The following SRGAP3 variants were observed in gnomAD, a reference collection of about 807,000 sequenced individuals.
SRGAP3 encodes SLIT-ROBO Rho GTPase activating protein 3, also known as SLIT-ROBO Rho GTPase-activating protein 3.
A neutral mutation model predicts 121.1 loss-of-function variants in SRGAP3; 39 were observed. That is an observed-to-expected ratio of 0.32 (90% CI 0.25 to 0.42). SRGAP3 has a LOEUF of 0.42. Among genes scored for constraint, SRGAP3 ranks in the 10% least tolerant of loss-of-function variants. The pLI, the probability that SRGAP3 is intolerant of heterozygous loss-of-function variation, is 1.00. For missense variants in SRGAP3, 1,213 were observed against 1,470.6 expected, an observed-to-expected ratio of 0.82 and a Z score of 2.86; for synonymous variants, 601 against 570.0, an observed-to-expected ratio of 1.05 and a Z score of -0.77.
intron 12 of SRGAP3, among the ~76,000 whole-genome samples, chr3:9,029,536 C>T (rs581271): frequency 0.79 from 119,477 of 152,074 alleles, 47,396 homozygotes; most frequent in African/African-American, 0.89. Flanking sequence ...CTCTAGACCA[C>T]CATAATTGTG....
chr3:9,340,923 T>A (rs542189651), intron 1 of SRGAP3, among the ~76,000 whole-genome samples: 1 of 152,322 alleles, frequency 6.6e-6, no homozygotes, highest in East Asian at 1.9e-4. Flanking sequence ...GACTAAGTAA[T>A]TTAAGCAACA....
At chr3:9,180,522 G>T (rs537645748) in intron 1 of SRGAP3, among the ~76,000 whole-genome samples, 4 of 152,128 alleles carry the variant, frequency 2.6e-5, no homozygotes, top group Non-Finnish European at 4.4e-5. Context: ...GGGAGGACAG[G>T]CCCAGAGGCT....
intron 1 of SRGAP3, among the ~76,000 whole-genome samples, chr3:9,228,915 A>G (rs1953094583): frequency 6.7e-6 from 1 of 148,790 alleles, no homozygotes; most frequent in Non-Finnish European, 1.5e-5. Flanking sequence ...ACAAAAAATT[A>G]GCCGGGCGCG....
At chr3:8,994,640 C>T (rs760418500) in intron 18 of SRGAP3, 117 bp from the exon 19 acceptor site, 4 of 1,360,644 alleles carry the variant, frequency 2.9e-6, no homozygotes, top group Non-Finnish European at 4.1e-6. Flanking sequence ...CTGGTGAGAA[C>T]ATGGACAGAA....
At chr3:9,112,281 G>A (rs555418685) in intron 2 of SRGAP3, among the ~76,000 whole-genome samples, 79 of 152,324 alleles carry the variant, frequency 5.2e-4, no homozygotes, top group Non-Finnish European at 2.9e-4. Context: ...GCCTCACACT[G>A]GGCTTGCGTC....
chr3:9,299,462 G>A (rs1955012060), intron 3 of SRGAP3, among the ~76,000 whole-genome samples: 1 of 151,868 alleles, frequency 6.6e-6, no homozygotes, highest in Admixed American at 6.6e-5. Flanking sequence ...CACTGCAAAA[G>A]CCAGACTAGT....
chr3:9,015,506 C>G, intron 15 of SRGAP3, 91 bp downstream of exon 15: 1 of 1,545,920 alleles, frequency 6.5e-7, no homozygotes, highest in Non-Finnish European at 8.9e-7. Context: ...CATAATGTCC[C>G]TCCTCTATGC....
chr3:9,040,224 T>A (rs1944953259), intron 10 of SRGAP3, among the ~76,000 whole-genome samples: 1 of 152,216 alleles, frequency 6.6e-6, no homozygotes, highest in Admixed American at 6.5e-5. Flanking sequence ...TCAGATCATG[T>A]CCTTCCCTTG....
chr3:9,016,299 C>A (rs1943633418), intron 14 of SRGAP3, among the ~76,000 whole-genome samples: 1 of 152,114 alleles, frequency 6.6e-6, no homozygotes, highest in Non-Finnish European at 1.5e-5. Flanking sequence ...TTTCTTGAGT[C>A]CTTTAAATGT....
At chr3:9,323,155 T>G (rs1006464323) in intron 3 of SRGAP3, among the ~76,000 whole-genome samples, 5 of 151,814 alleles carry the variant, frequency 3.3e-5, no homozygotes, top group Admixed American at 3.3e-4. Flanking sequence ...AACAGATTCA[T>G]AGTTGCCAGA....
chr3:9,210,763 G>A (rs1574875104), intron 1 of SRGAP3, among the ~76,000 whole-genome samples: 2 of 152,164 alleles, frequency 1.3e-5, no homozygotes, highest in East Asian at 3.9e-4. Flanking sequence ...ACAAGAGGTA[G>A]AGGTTGCAGT....
At chr3:8,993,332 C>T (rs373187570) in intron 19 of SRGAP3, among the ~76,000 whole-genome samples, 1 of 152,154 alleles carries the variant, frequency 6.6e-6, no homozygotes, top group Non-Finnish European at 1.5e-5. Context: ...CAGCTCCAGG[C>T]TAGGACAAGC....
chr3:9,276,965 A>G (rs1054868746), intron 3 of SRGAP3, among the ~76,000 whole-genome samples: 1 of 152,352 alleles, frequency 6.6e-6, no homozygotes, highest in South Asian at 2.1e-4. Context: ...GCTCTTAACC[A>G]GCACGTTTGG....
intron 14 of SRGAP3, among the ~76,000 whole-genome samples, chr3:9,019,955 C>T (rs562283404): frequency 1.1e-4 from 16 of 152,254 alleles, no homozygotes; most frequent in African/African-American, 3.9e-4. Context: ...AATAAACACA[C>T]CAAAAAAATC....
chr3:9,142,511 T>C (rs1949888510), intron 1 of SRGAP3, among the ~76,000 whole-genome samples: 1 of 152,250 alleles, frequency 6.6e-6, no homozygotes, highest in Admixed American at 6.5e-5. Context: ...TAATGCAATG[T>C]GAAACTCTCT....
At chr3:9,078,027 GA>G (rs1330758377) in intron 4 of SRGAP3, among the ~76,000 whole-genome samples, 38 of 152,304 alleles carry the variant, frequency 2.5e-4, no homozygotes, top group African/African-American at 8.9e-4. Flanking sequence ...AAAGATACAA[GA>G]GATTTTGGTA....
intron 3 of SRGAP3, among the ~76,000 whole-genome samples, chr3:9,104,343 G>A: frequency 6.6e-6 from 1 of 152,188 alleles, no homozygotes. Flanking sequence ...TCCAAACAAT[G>A]CCATTTCAGG....
intron 12 of SRGAP3, among the ~76,000 whole-genome samples, chr3:9,029,966 T>C (rs1363699046): frequency 7.1e-6 from 1 of 141,534 alleles, no homozygotes; most frequent in African/African-American, 2.7e-5. Flanking sequence ...CATGGTAAGA[T>C]CCTGTCTCTA....
Position 9,077,525 on chromosome 3 carries a change from C to T in SRGAP3, c.486+2500G>A, listed in dbSNP as rs1280377543. Among the ~76,000 whole-genome samples, 3 of 152,190 alleles carry T rather than the reference C, an allele frequency of 2.0e-5. No individual in the cohort carries two copies. The East Asian group carries it at 5.8e-4, about 29-fold the overall frequency. On this transcript the variant is annotated intron_variant, in intron 4 of 21. Transcript: ENST00000383836. ...GGGTGTGCTGGCACCATGAGGATCCCACTCTTCCAAAGGAGAGAGCTAGGA... is the reference window on the plus strand; with the variant it reads ...GGGTGTGCTGGCACCATGAGGATCCTACTCTTCCAAAGGAGAGAGCTAGGA...
Sources: gnomAD v4.1 joint callset for allele counts (sites outside exome capture counted in the v4.1 genomes callset) on GRCh38, gnomAD v4.1.1 for gene constraint, MANE v1.5 for transcripts, NCBI Gene and HGNC (gene_info 2026-07-23, HGNC 2026-07-21) for gene names.